Variants in DST observed in about 807,000 individuals in gnomAD.
DST encodes dystonin, also known as bullous pemphigoid antigen.
In DST, 253 loss-of-function variants were observed where a neutral mutation model predicts 875.2. The observed-to-expected ratio is 0.29, with a 90% CI of 0.26 to 0.32. DST has a LOEUF of 0.32. DST is among the 10% of genes least tolerant of loss of function. DST has a pLI of 1.00. For missense variants in DST, 8,287 were observed against 9,111.6 expected (o/e 0.91, Z 3.68); for synonymous variants, 3,124 against 3,197.1 (o/e 0.98, Z 0.77).
chr6:56,516,356 TAAC>T (rs1186476468), intron 71 of DST, among the ~76,000 whole-genome samples: 1 of 151,940 alleles, frequency 6.6e-6, no homozygotes, highest in Non-Finnish European at 1.5e-5. Flanking sequence ...AACCACAGAA[TAAC>T]AAAGAAATTA....
At chr6:56,620,380 C>A in intron 36 of DST, 1 of 1,614,142 alleles carries the variant, frequency 6.2e-7, no homozygotes, top group Middle Eastern at 1.6e-4. Context: ...TGGTGAGCTG[C>A]CTCACCCGCT....
At chr6:56,778,547 C>T (rs1258885863) in intron 4 of DST, among the ~76,000 whole-genome samples, 1 of 117,112 alleles carries the variant, frequency 8.5e-6, no homozygotes, top group African/African-American at 3.2e-5. Context: ...CCCCACCCCA[C>T]AACAGGCCCC....
intron 4 of DST, among the ~76,000 whole-genome samples, chr6:56,792,162 GT>G (rs373737853): frequency 6.6e-6 from 1 of 151,658 alleles, no homozygotes; most frequent in Admixed American, 6.6e-5. Context: ...ACACACTGAG[GT>G]TTTTTTGTTT....
chr6:56,498,358 A>T (rs1023210765), intron 80 of DST, among the ~76,000 whole-genome samples: 3 of 151,946 alleles, frequency 2.0e-5, no homozygotes, highest in African/African-American at 7.3e-5. Context: ...TATTTTTTAT[A>T]CAGATGTAGT....
At chr6:56,854,370 A>G (rs1409118292) in intron 3 of DST, among the ~76,000 whole-genome samples, 1 of 152,078 alleles carries the variant, frequency 6.6e-6, no homozygotes, top group Non-Finnish European at 1.5e-5. Flanking sequence ...CCAGGTTCCT[A>G]TCTAGTATTC....
Position 56,607,400 on chromosome 6 carries a change from A to C in DST, c.7228T>G (p.Phe2410Val). ...TTCTCTGTTTCATTCACACCACAGA[A>C]TTTACTCATTTTTGATTTCATAATA... is the stretch of plus-strand genomic sequence containing the variant. ...NPIMKSKMSK[F>V]CGVNETENED... The change falls in exon 40 of 104, where the codon TTC (phenylalanine) becomes GTC (valine). Residue 2410 changes from phenylalanine to valine, a missense_variant. Phe to Val is a conservative substitution (Grantham distance 50). Coordinates refer to ENST00000680361, the MANE Select transcript of DST (RefSeq NM_001374736.1). 6.2e-7 allele frequency: 1 copy of C among 1,612,542 alleles called. No individual in the cohort carries two copies. Among genetic ancestry groups the C allele is most frequent in the Admixed American group, 1.7e-5 (1 of 59,830 alleles).
chr6:56,699,450 ATTTAAG>A (rs1477384566), intron 9 of DST, among the ~76,000 whole-genome samples, 197 bp downstream of exon 9: 3 of 152,236 alleles, frequency 2.0e-5, no homozygotes, highest in Non-Finnish European at 4.4e-5. Flanking sequence ...TTAAAACTAC[ATTTAAG>A]TTTATCAAGA....
Position 56,560,442 on chromosome 6 carries a change from TAATA to T in DST, c.14311-23_14311-20del. The T allele has an allele frequency of 1.3e-6, 2 of 1,574,234 alleles. No homozygotes were observed. The highest frequency in any genetic ancestry group is 2.3e-5 in the South Asian group (2 of 86,110). ...CAAACGACTAACAAGGGAAAAATAA[TAATA>T]AATCATGTGTACAGCAAAAGACAAA... is the stretch of plus-strand genomic sequence containing the variant. On this transcript the variant is annotated intron_variant, in intron 57 of 103. Coordinates refer to ENST00000680361, the MANE Select transcript of DST (RefSeq NM_001374736.1).
Position 56,536,720 on chromosome 6 carries a change from C to T in DST, c.16770+59G>A. ...CTACCACAAATATGATTCATGGTCA[C>T]CACAAATGCTCATGAATAATAATCA... is the stretch of plus-strand genomic sequence containing the variant. On this transcript the variant is annotated intron_variant, in intron 62 of 103. Coordinates refer to ENST00000680361, the MANE Select transcript of DST (RefSeq NM_001374736.1). 4.9e-6 allele frequency: 7 copies of T among 1,435,616 alleles called. No individual in the cohort carries two copies. In the Admixed American group the frequency reaches 1.7e-4, roughly 34 times the overall value. 88.9% of individuals were successfully genotyped at this position (1,435,616 alleles called of 1,614,324 possible). A position where few individuals can be genotyped will look rare whatever the true frequency, so the allele number is the denominator to read the frequency against.
At chr6:56,460,003 T>C (rs1057087549) in intron 103 of DST, 128 bp downstream of exon 103, 1 of 1,146,960 alleles carries the variant, frequency 8.7e-7, no homozygotes, top group Non-Finnish European at 1.2e-6. Flanking sequence ...GGACTGGGGC[T>C]ACATATCATT....
intron 2 of DST, among the ~76,000 whole-genome samples, chr6:56,909,772 T>C (rs1169304342): frequency 1.3e-5 from 2 of 152,222 alleles, no homozygotes; most frequent in Non-Finnish European, 2.9e-5. Flanking sequence ...CACCATCATG[T>C]GAGTACAGTC....
chr6:56,916,854 C>T (rs934986861), intron 2 of DST, among the ~76,000 whole-genome samples: 2 of 149,614 alleles, frequency 1.3e-5, no homozygotes, highest in Non-Finnish European at 3.0e-5. Flanking sequence ...GCTATTCAGG[C>T]TTTTGGGCTG....
chr6:56,641,483 GAGGCTGAGACATGAGA>G (rs1257187146), intron 17 of DST, among the ~76,000 whole-genome samples: 1 of 152,098 alleles, frequency 6.6e-6, no homozygotes, highest in African/African-American at 2.4e-5. Flanking sequence ...AGCTACTAGG[GAGGCTGAGACATGAGA>G]ATCGCCTGAA....
chr6:56,644,311 T>C (rs2098929698), intron 15 of DST, among the ~76,000 whole-genome samples: 1 of 152,232 alleles, frequency 6.6e-6, no homozygotes, highest in South Asian at 2.1e-4. Flanking sequence ...GTACACATAT[T>C]ATTATACTTT....
rs1187334967 is a variant in DST, at chr6:56,555,579, T to C, written c.14902A>G (p.Asn4968Asp). The stretch of plus-strand genomic sequence containing the variant: ...ACAGCCAGACTGCTGCTGAGTTTAT[T>C]ATCCAAGTCACTCAGTTTATCAGAA... ...SLSDKLSDLD[N>D]KLSSSLAVST... Residue 4968 changes from asparagine to aspartate, a missense_variant, in exon 60 of 104, where the codon AAT (asparagine) becomes GAT (aspartate). Asn to Asp is a conservative substitution (Grantham distance 23). Around this residue, in one of 10 missense-constraint regions of DST, gnomAD observed 1,513 missense variants for 1,677.8 expected, o/e 0.90. Coordinates refer to ENST00000680361, the MANE Select transcript of DST (RefSeq NM_001374736.1). The C allele has an allele frequency of 4.3e-6, 7 of 1,614,046 alleles. No homozygotes were observed. In the South Asian group the frequency reaches 6.6e-5, roughly 15 times the overall value.
chr6:56,573,409 C>A (rs1243128114), intron 51 of DST, among the ~76,000 whole-genome samples: 1 of 152,160 alleles, frequency 6.6e-6, no homozygotes, highest in Non-Finnish European at 1.5e-5. Context: ...CTGGCTGAAA[C>A]AATGATAAAC....
chr6:56,619,065 G>A, intron 36 of DST: 1 of 1,613,936 alleles, frequency 6.2e-7, no homozygotes, highest in Non-Finnish European at 8.5e-7. Flanking sequence ...ACCAAATTTT[G>A]ACTTTTCGCC....
chr6:56,940,989 G>C (rs1022300897), intron 2 of DST, among the ~76,000 whole-genome samples: 2 of 152,062 alleles, frequency 1.3e-5, no homozygotes, highest in African/African-American at 4.8e-5. Flanking sequence ...TATAAACTTT[G>C]TTCATCTAAG....
chr6:56,838,404 C>T (rs767049365), intron 4 of DST, among the ~76,000 whole-genome samples: 7 of 152,134 alleles, frequency 4.6e-5, no homozygotes, highest in Non-Finnish European at 7.4e-5. Flanking sequence ...TATGACCCAA[C>T]GGCAGAAATA....
Sources: gnomAD v4.1 joint callset for allele counts (sites outside exome capture counted in the v4.1 genomes callset) on GRCh38, gnomAD v4.1.1 for gene constraint, gnomAD v4.1.1 regional missense constraint, MANE v1.5 for transcripts, NCBI Gene and HGNC (gene_info 2026-07-23, HGNC 2026-07-21) for gene names.